BRINP3: variants seen among roughly 807,000 people sequenced by gnomAD.
The protein encoded by BRINP3 is BMP/retinoic acid-inducible neural-specific protein 3.
In BRINP3, 19 loss-of-function variants were observed where a neutral mutation model predicts 71.0. That is an observed-to-expected ratio of 0.27 (90% CI 0.19 to 0.39). The LOEUF is 0.39. Ranked by LOEUF, BRINP3 falls within the 10% of genes least tolerant of loss-of-function variation. The pLI, the probability that BRINP3 is intolerant of heterozygous loss-of-function variation, is 1.00. For missense variants in BRINP3, 959 were observed against 940.8 expected (o/e 1.02, Z -0.25); for synonymous variants, 380 against 337.7 (o/e 1.13, Z -1.37).
intron 2 of BRINP3, among the ~76,000 whole-genome samples, chr1:190,428,868 T>C (rs1673902054): frequency 6.6e-6 from 1 of 152,104 alleles, no homozygotes; most frequent in Non-Finnish European, 1.5e-5. Context: ...CCAAGTAAAT[T>C]TTTTGAAATA....
At chr1:190,279,088 T>A (rs1662846930) in intron 3 of BRINP3, among the ~76,000 whole-genome samples, 1 of 151,672 alleles carries the variant, frequency 6.6e-6, no homozygotes, top group African/African-American at 2.4e-5. Context: ...TACTTACAGG[T>A]GCTTTGAATC....
intron 6 of BRINP3, among the ~76,000 whole-genome samples, chr1:190,188,871 C>T (rs564841347): frequency 2.6e-5 from 4 of 152,122 alleles, no homozygotes; most frequent in Admixed American, 6.5e-5. Flanking sequence ...AGCGATTCTC[C>T]TGTCTCAGCC....
At chr1:190,115,661 A>G (rs749596039) in intron 7 of BRINP3, among the ~76,000 whole-genome samples, 5 of 152,098 alleles carry the variant, frequency 3.3e-5, no homozygotes, top group African/African-American at 4.8e-5. Flanking sequence ...TGCCTCACCA[A>G]CCTCAGTGGT....
intron 2 of BRINP3, among the ~76,000 whole-genome samples, chr1:190,377,624 A>T (rs1670265624): frequency 6.7e-6 from 1 of 148,964 alleles, no homozygotes; most frequent in Non-Finnish European, 1.5e-5. Flanking sequence ...CTGAAAGAAC[A>T]CACACACACA....
chr1:190,236,256 A>C (rs976197983), intron 4 of BRINP3, among the ~76,000 whole-genome samples: 1 of 152,058 alleles, frequency 6.6e-6, no homozygotes. Context: ...TAGTGATAAC[A>C]TTCAAAATAT....
chr1:190,453,238 T>TTTTTTTTTTTG (rs1675760131), intron 2 of BRINP3, among the ~76,000 whole-genome samples: 1 of 121,526 alleles, frequency 8.2e-6, no homozygotes, highest in Non-Finnish European at 1.7e-5. Flanking sequence ...TTTTTTTTTT[T>TTTTTTTTTTTG]GAGACGGAGG....
At chr1:190,255,653 T>A (rs908179297) in intron 4 of BRINP3, among the ~76,000 whole-genome samples, 6 of 152,192 alleles carry the variant, frequency 3.9e-5, no homozygotes, top group Non-Finnish European at 8.8e-5. Flanking sequence ...TTTTATTGCA[T>A]TTATTTTATT....
chr1:190,401,441 T>C (rs1237418539), intron 2 of BRINP3, among the ~76,000 whole-genome samples: 1 of 151,738 alleles, frequency 6.6e-6, no homozygotes, highest in Non-Finnish European at 1.5e-5. Context: ...TTTCATTGTG[T>C]TTTGAAGCAT....
At chr1:190,225,808 A>C (rs986904989) in intron 6 of BRINP3, among the ~76,000 whole-genome samples, 3 of 151,950 alleles carry the variant, frequency 2.0e-5, no homozygotes, top group Non-Finnish European at 4.4e-5. Flanking sequence ...GATAACTTAA[A>C]ATTTCTTGTA....
chr1:190,332,733 G>C (rs551261255), intron 2 of BRINP3, among the ~76,000 whole-genome samples: 1 of 152,082 alleles, frequency 6.6e-6, no homozygotes, highest in Non-Finnish European at 1.5e-5. Context: ...CTGTGATTTA[G>C]AGTACTACGA....
chr1:190,361,007 T>C (rs754215752), intron 2 of BRINP3, among the ~76,000 whole-genome samples: 27 of 152,164 alleles, frequency 1.8e-4, no homozygotes, highest in Middle Eastern at 6.8e-3. Context: ...TGGGAAGAGA[T>C]AACAAATATT....
At chr1:190,354,619 T>A (rs2102068824) in intron 2 of BRINP3, among the ~76,000 whole-genome samples, 1 of 152,076 alleles carries the variant, frequency 6.6e-6, no homozygotes, top group South Asian at 2.1e-4. Context: ...TGTTCCTAAG[T>A]GCACAATATT....
chr1:190,199,652 A>T (rs996551136), intron 6 of BRINP3, among the ~76,000 whole-genome samples: 1 of 152,086 alleles, frequency 6.6e-6, no homozygotes, highest in Non-Finnish European at 1.5e-5. Flanking sequence ...GCCAAAAGCC[A>T]TCTTTGTCAC....
chr1:190,212,465 C>T (rs1656070909), intron 6 of BRINP3, among the ~76,000 whole-genome samples: 1 of 152,072 alleles, frequency 6.6e-6, no homozygotes, highest in Admixed American at 6.6e-5. Flanking sequence ...GTATAGAAGA[C>T]TGGAAAACAT....
chr1:190,236,257 TTCAAAA>T (rs1658508596), intron 4 of BRINP3, among the ~76,000 whole-genome samples: 1 of 152,018 alleles, frequency 6.6e-6, no homozygotes. Context: ...AGTGATAACA[TTCAAAA>T]TATGAAGTTA....
rs532747784 is a variant in BRINP3, at chr1:190,171,388, T to C, written c.962-10498A>G. Reference sequence around the variant, plus strand: ...TAATACCTTCAAGGAAAAATACCCTTTCTTTTAAACAGGAAACACTTGCTT... The same window carrying C: ...TAATACCTTCAAGGAAAAATACCCTCTCTTTTAAACAGGAAACACTTGCTT... On this transcript the variant is annotated intron_variant, in intron 6 of 7. Coordinates refer to ENST00000367462, the MANE Select transcript of BRINP3 (RefSeq NM_199051.3). 8.5e-5 allele frequency among the ~76,000 whole-genome samples: 13 copies of C among 152,292 alleles called. No homozygotes were observed. The South Asian group carries it at 2.5e-3, about 29-fold the overall frequency.
At chr1:190,213,983 G>A (rs1348156821) in intron 6 of BRINP3, among the ~76,000 whole-genome samples, 3 of 151,958 alleles carry the variant, frequency 2.0e-5, no homozygotes, top group Non-Finnish European at 2.9e-5. Flanking sequence ...TATCCCCCAG[G>A]CATATTCTCC....
intron 2 of BRINP3, among the ~76,000 whole-genome samples, chr1:190,287,353 T>C (rs945117420): frequency 6.6e-5 from 10 of 152,150 alleles, no homozygotes; most frequent in Non-Finnish European, 1.3e-4. Context: ...GAAGCTAGTG[T>C]TTATAAAACA....
chr1:190,321,925 T>G (rs1409079994), intron 2 of BRINP3, among the ~76,000 whole-genome samples: 1 of 152,024 alleles, frequency 6.6e-6, no homozygotes, highest in Admixed American at 6.6e-5. Context: ...CAAGAAAAAG[T>G]ATAAGCCTAC....
Sources: allele counts gnomAD v4.1 joint callset (sites outside exome capture counted in the v4.1 genomes callset), GRCh38; gene constraint gnomAD v4.1.1; transcripts MANE v1.5; gene names NCBI Gene and HGNC (gene_info 2026-07-23, HGNC 2026-07-21).